The following DHX9 variants were observed in gnomAD, a reference collection of about 807,000 sequenced individuals.
DHX9 encodes the protein DExH-box helicase 9.
DHX9 carries 27 observed loss-of-function variants against 148.7 expected under a neutral mutation model. The observed-to-expected ratio is 0.18, with a 90% CI of 0.13 to 0.25. The LOEUF (loss-of-function observed/expected upper bound fraction) is 0.25. Ranked by LOEUF, DHX9 falls within the 10% of genes least tolerant of loss-of-function variation. The pLI, the probability that DHX9 is intolerant of heterozygous loss-of-function variation, is 1.00. For synonymous variants in DHX9, 529 were observed against 516.6 expected, an observed-to-expected ratio of 1.02 and a Z score of -0.33; for missense variants, 796 against 1,559.6, an observed-to-expected ratio of 0.51 and a Z score of 8.25.
chr1:182,877,868 G>A, intron 19 of DHX9, 153 bp from the exon 20 acceptor site: 1 of 850,236 alleles, frequency 1.2e-6, no homozygotes, highest in Non-Finnish European at 1.8e-6. Flanking sequence ...TTTGCAGTCA[G>A]ATTGCTGATT....
rs1571302658 is a variant in DHX9, at chr1:182,854,032, T to C, written c.480T>C (p.Thr160=). The C allele has an allele frequency of 1.2e-6, 2 of 1,611,704 alleles. No homozygotes were observed. Among genetic ancestry groups the C allele is most frequent in the East Asian group, 4.5e-5 (2 of 44,822 alleles). ...SRKEEQEVQA[T]LESEEVDLNA... Reference sequence around the variant, plus strand: ...TTTAATTATCATTGATTCTACAGACTCTAGAATCAGAAGAAGTGGATTTAA... The same window carrying C: ...TTTAATTATCATTGATTCTACAGACCCTAGAATCAGAAGAAGTGGATTTAA... The change falls in exon 6 of 28, where the codon ACT becomes ACC. Residue 160 remains threonine, a splice_region_variant and synonymous_variant. Coordinates refer to ENST00000367549, the MANE Select transcript of DHX9 (RefSeq NM_001357.5).
chr1:182,857,768 T>C (rs1002686375), intron 7 of DHX9, among the ~76,000 whole-genome samples: 2 of 152,260 alleles, frequency 1.3e-5, no homozygotes, highest in African/African-American at 4.8e-5. Flanking sequence ...GTTTATTTTT[T>C]ACTCTTTGTC....
intron 16 of DHX9, 192 bp downstream of exon 16, chr1:182,875,146 A>C (rs1557976889): frequency 1.6e-6 from 1 of 620,078 alleles, no homozygotes; most frequent in South Asian, 1.5e-5. Flanking sequence ...GCTGTTTTCT[A>C]TCACAAGTTA....
At chr1:182,862,979 T>C (rs990571734) in intron 12 of DHX9, among the ~76,000 whole-genome samples, 1 of 152,212 alleles carries the variant, frequency 6.6e-6, no homozygotes, top group African/African-American at 2.4e-5. Context: ...TACCTACTAC[T>C]ATGGCTGGAC....
intron 14 of DHX9, among the ~76,000 whole-genome samples, chr1:182,868,534 T>TTTTTTTTTTTTTTG (rs1648403826): frequency 6.7e-6 from 1 of 149,436 alleles, no homozygotes; most frequent in African/African-American, 2.5e-5. Context: ...TTTTTTTTTT[T>TTTTTTTTTTTTTTG]GAGGAGTCTT....
At chr1:182,860,940 C>T (rs2102602578) in intron 12 of DHX9, among the ~76,000 whole-genome samples, 1 of 152,278 alleles carries the variant, frequency 6.6e-6, no homozygotes, top group Admixed American at 6.5e-5. Flanking sequence ...CTGAGGTAGG[C>T]TTACATCTTG....
intron 5 of DHX9, among the ~76,000 whole-genome samples, 197 bp downstream of exon 5, chr1:182,853,615 A>G (rs1668199363): frequency 6.6e-6 from 1 of 152,130 alleles, no homozygotes; most frequent in Non-Finnish European, 1.5e-5. Flanking sequence ...CCTATGGAGG[A>G]AAAAAACAGT....
At position 182,887,080 on chromosome 1, in the gene DHX9, T is replaced by C. The variant is rs774845013; in HGVS notation, c.3462-3T>C. ...TAAAGTGATGGTTTTGTGCTTTTCCTAGGTATGGAGATGGTCCACGTCCTC... is the reference window on the plus strand; with the variant it reads ...TAAAGTGATGGTTTTGTGCTTTTCCCAGGTATGGAGATGGTCCACGTCCTC... On this transcript the variant is annotated splice_polypyrimidine_tract_variant and splice_region_variant and intron_variant, in intron 27 of 27. Transcript: ENST00000367549. The C allele has an allele frequency of 6.2e-7, 1 of 1,611,136 alleles. No homozygotes were observed. The highest frequency in any genetic ancestry group is 1.1e-5 in the South Asian group (1 of 91,052).
chr1:182,842,689 TAC>T lies in DHX9; in HGVS notation c.111+14_111+15del, dbSNP rs1667953537. ...AATTCATGTGTGAGGTACTGAAGAA[TAC>T]AGTTTGCATTTATGTGATTTATGAG... On this transcript the variant is annotated intron_variant, in intron 2 of 27. Coordinates refer to ENST00000367549, the MANE Select transcript of DHX9 (RefSeq NM_001357.5). The T allele has an allele frequency of 1.9e-6, 3 of 1,593,240 alleles. No individual in the cohort carries two copies. Among genetic ancestry groups the T allele is most frequent in the South Asian group, 2.3e-5 (2 of 88,270 alleles).
At chr1:182,882,691 C>T (rs1174846902) in intron 24 of DHX9, among the ~76,000 whole-genome samples, 1 of 151,910 alleles carries the variant, frequency 6.6e-6, no homozygotes, top group African/African-American at 2.4e-5. Context: ...ACGGTGAAAC[C>T]CGTCTCTACT....
intron 1 of DHX9, among the ~76,000 whole-genome samples, chr1:182,840,590 G>C (rs1667906485): frequency 6.6e-6 from 1 of 152,118 alleles, no homozygotes; most frequent in Non-Finnish European, 1.5e-5. Context: ...GAGCCTCCGC[G>C]CCCGCCCGAA....
intron 26 of DHX9, 89 bp from the exon 27 acceptor site, chr1:182,884,524 C>G (rs1438795355): frequency 7.1e-6 from 8 of 1,127,964 alleles, no homozygotes; most frequent in African/African-American, 1.6e-5. Flanking sequence ...TAAATTTATT[C>G]TATAATGTGC....
rs756400139 is a variant in DHX9 at position 182,881,411 on chromosome 1, C to G, written c.2772C>G (p.Ala924=). 4.5e-5 allele frequency: 73 copies of G among 1,613,780 alleles called. No individual in the cohort carries two copies. The highest frequency in any genetic ancestry group is 5.6e-5 in the Non-Finnish European group (66 of 1,179,894). ...TAGCCCTTTTATCAGTATTCCAAGC[C>G]TGGGATGATGCTAGGTATGAGTAAG... ...DHVALLSVFQ[A]WDDARMGGEE... is the part of the protein sequence containing the mutation. The change falls in exon 23 of 28, where the codon GCC becomes GCG. Residue 924 remains alanine, a synonymous_variant. Transcript: ENST00000367549.
intron 1 of DHX9, among the ~76,000 whole-genome samples, chr1:182,842,270 ACT>A (rs1389878466): frequency 6.6e-6 from 1 of 152,032 alleles, no homozygotes; most frequent in Non-Finnish European, 1.5e-5. Context: ...GATAAAAATC[ACT>A]CTTAGTCCCC....
At position 182,853,171 on chromosome 1, in the gene DHX9, C is replaced by T. The variant is rs535457533; in HGVS notation, c.365-135C>T. The T allele has an allele frequency of 4.2e-4, 257 of 614,558 alleles. 1 individual carries two copies. In the African/African-American group the frequency reaches 4.5e-3, roughly 11 times the overall value. 38.1% of individuals were successfully genotyped at this position (614,558 alleles called of 1,614,324 possible). A position where few individuals can be genotyped will look rare whatever the true frequency, so the allele number is the denominator to read the frequency against. On this transcript the variant is annotated intron_variant, in intron 4 of 27. Transcript: ENST00000367549. ...CAAACTCCTGACCACACGTGATACC[C>T]ACCTCAGCGTCCGGAAGTGCTGGGA...
chr1:182,878,936 A>G (rs1233342972), intron 20 of DHX9, among the ~76,000 whole-genome samples: 1 of 151,930 alleles, frequency 6.6e-6, no homozygotes, highest in Non-Finnish European at 1.5e-5. Context: ...TTTTTAACCC[A>G]TGTTTGTCAA....
At chr1:182,884,843 A>G (rs186008775) in intron 27 of DHX9, 30 bp downstream of exon 27, 1 of 1,605,574 alleles carries the variant, frequency 6.2e-7, no homozygotes, top group African/African-American at 1.3e-5. Context: ...TTACTGAACC[A>G]AGTAGAGGGG....
At chr1:182,857,291 C>T (rs1049597510) in intron 7 of DHX9, among the ~76,000 whole-genome samples, 10 of 152,146 alleles carry the variant, frequency 6.6e-5, no homozygotes, top group Non-Finnish European at 4.4e-5. Flanking sequence ...AGAAAGATAC[C>T]TTTGTACCCC....
At chr1:182,853,737 T>A (rs547667480) in intron 5 of DHX9, among the ~76,000 whole-genome samples, 1 of 152,262 alleles carries the variant, frequency 6.6e-6, no homozygotes, top group South Asian at 2.1e-4. Flanking sequence ...GTCTTTAGTA[T>A]AGCTTATTTT....
Sources: allele counts gnomAD v4.1 joint callset (sites outside exome capture counted in the v4.1 genomes callset), GRCh38; gene constraint gnomAD v4.1.1; transcripts MANE v1.5; gene names NCBI Gene and HGNC (gene_info 2026-07-23, HGNC 2026-07-21).